The following FAT3 variants were observed in gnomAD, a reference collection of about 807,000 sequenced individuals.
FAT3 encodes the protein FAT atypical cadherin 3, also known as protocadherin Fat 3.
A neutral mutation model predicts 310.2 loss-of-function variants in FAT3; 95 were observed. That is an observed-to-expected ratio of 0.31 (90% CI 0.26 to 0.36). FAT3 has a LOEUF of 0.36. FAT3 is among the 10% of genes least tolerant of loss of function. FAT3 has a pLI of 1.00. For missense variants in FAT3, 5,408 were observed against 5,715.6 expected, an observed-to-expected ratio of 0.95 and a Z score of 1.74; for synonymous variants, 2,314 against 2,192.9, an observed-to-expected ratio of 1.06 and a Z score of -1.54.
chr11:92,332,179 C>T (rs1947939310), intron 1 of FAT3, among the ~76,000 whole-genome samples: 1 of 152,194 alleles, frequency 6.6e-6, no homozygotes, highest in Admixed American at 6.5e-5. Context: ...TGAGCTTCCT[C>T]CAGTTGAACT....
chr11:92,668,190 T>G (rs1943017682), intron 3 of FAT3, among the ~76,000 whole-genome samples: 1 of 152,198 alleles, frequency 6.6e-6, no homozygotes, highest in East Asian at 1.9e-4. Context: ...GCCAAATGAA[T>G]ACAAATGAAA....
At chr11:92,296,158 A>G (rs1187156) in intron 1 of FAT3, among the ~76,000 whole-genome samples, 106,245 of 151,968 alleles carry the variant, frequency 0.7, 37,360 homozygotes, top group African/African-American at 0.77. Context: ...GCTTCCCCCG[A>G]GGGTTAAAAA....
chr11:92,390,093 A>T (rs1047938371), intron 2 of FAT3, among the ~76,000 whole-genome samples: 2 of 152,090 alleles, frequency 1.3e-5, no homozygotes, highest in African/African-American at 2.4e-5. Context: ...AAAGTTTTTG[A>T]TCTTAAGAGC....
At chr11:92,312,012 C>T (rs1947316926) in intron 1 of FAT3, among the ~76,000 whole-genome samples, 2 of 152,114 alleles carry the variant, frequency 1.3e-5, no homozygotes, top group African/African-American at 2.4e-5. Flanking sequence ...ACAAATACTT[C>T]GCCTTCATAA....
At chr11:92,649,860 C>A (rs1037754688) in intron 3 of FAT3, among the ~76,000 whole-genome samples, 2 of 107,602 alleles carry the variant, frequency 1.9e-5, no homozygotes, top group Non-Finnish European at 1.9e-5. Context: ...TGTTAAACAC[C>A]CACTTTGTAT....
At chr11:92,486,560 T>A (rs931126732) in intron 2 of FAT3, among the ~76,000 whole-genome samples, 16 of 152,154 alleles carry the variant, frequency 1.1e-4, no homozygotes, top group Non-Finnish European at 1.9e-4. Flanking sequence ...AGTGCAATTT[T>A]AAAAAATCCC....
intron 2 of FAT3, among the ~76,000 whole-genome samples, chr11:92,365,446 C>G (rs1948994079): frequency 6.6e-6 from 1 of 152,208 alleles, no homozygotes; most frequent in Non-Finnish European, 1.5e-5. Context: ...AAGCCTGCCT[C>G]TCTTCCTTTC....
At chr11:92,320,463 A>G (rs1185808736) in intron 1 of FAT3, among the ~76,000 whole-genome samples, 1 of 152,178 alleles carries the variant, frequency 6.6e-6, no homozygotes, top group East Asian at 1.9e-4. Flanking sequence ...TAACAAGTTC[A>G]CTAGTTTGGG....
intron 2 of FAT3, among the ~76,000 whole-genome samples, chr11:92,366,270 C>T (rs527507783): frequency 5.3e-5 from 8 of 152,308 alleles, no homozygotes; most frequent in South Asian, 2.1e-4. Flanking sequence ...TCAGCTTGGA[C>T]TGAGAACCTG....
chr11:92,388,092 C>T (rs569916708), intron 2 of FAT3, among the ~76,000 whole-genome samples: 1 of 152,232 alleles, frequency 6.6e-6, no homozygotes, highest in African/African-American at 2.4e-5. Flanking sequence ...TAGATTAGCA[C>T]TGACTATCAT....
intron 1 of FAT3, among the ~76,000 whole-genome samples, chr11:92,323,583 T>C (rs1947684021): frequency 6.9e-6 from 1 of 144,898 alleles, no homozygotes; most frequent in Non-Finnish European, 1.5e-5. Flanking sequence ...ATCTTTTTTT[T>C]TCTTTTTTTT....
intron 1 of FAT3, among the ~76,000 whole-genome samples, chr11:92,333,715 T>G (rs780558116): frequency 6.6e-6 from 1 of 151,624 alleles, no homozygotes. Context: ...CTCATAAATA[T>G]ACATCTTACC....
At chr11:92,282,172 A>G (rs1378367821) in intron 1 of FAT3, among the ~76,000 whole-genome samples, 1 of 151,938 alleles carries the variant, frequency 6.6e-6, no homozygotes, top group Non-Finnish European at 1.5e-5. Flanking sequence ...TCCCAAAGAC[A>G]TTGTCCCTTC....
Position 92,799,581 on chromosome 11 carries a change from T to C in FAT3, c.6568T>C (p.Phe2190Leu). 6.2e-7 allele frequency: 1 copy of C among 1,613,776 alleles called. No homozygotes were observed. The highest frequency in any genetic ancestry group is 8.5e-7 in the Non-Finnish European group (1 of 1,179,830). Reference protein sequence around the residue: ...NKAMPVFDKPFYTASVNEDIR... With the variant: ...NKAMPVFDKPLYTASVNEDIR... ...AGCAATGCCTGTGTTTGATAAGCCC[T>C]TTTATACAGCATCTGTCAATGAAGA... Residue 2190 changes from phenylalanine to leucine, a missense_variant, in exon 10 of 28, where the codon TTT becomes CTT. Phe to Leu is a conservative substitution (Grantham distance 22). Around this residue, in one of 5 missense-constraint regions of FAT3, gnomAD observed 4,588 missense variants for 4,809.8 expected, o/e 0.95. Coordinates refer to ENST00000525166, the MANE Select transcript of FAT3 (RefSeq NM_001367949.2).
intron 1 of FAT3, among the ~76,000 whole-genome samples, chr11:92,281,517 A>G (rs542092266): frequency 6.6e-6 from 1 of 152,208 alleles, no homozygotes; most frequent in South Asian, 2.1e-4. Flanking sequence ...GCCTGTGCTT[A>G]ACTCCAGTTG....
At chr11:92,399,122 T>C (rs1003555829) in intron 2 of FAT3, among the ~76,000 whole-genome samples, 11 of 152,222 alleles carry the variant, frequency 7.2e-5, no homozygotes, top group Non-Finnish European at 1.5e-4. Context: ...TGTGGGATTA[T>C]TAGCAATTAC....
intron 7 of FAT3, among the ~76,000 whole-genome samples, chr11:92,774,945 A>C (rs941253621): frequency 6.6e-5 from 10 of 152,232 alleles, no homozygotes; most frequent in Non-Finnish European, 8.8e-5. Flanking sequence ...ATGTTAGATA[A>C]CAATATGGGG....
chr11:92,510,735 C>T (rs983098798), intron 2 of FAT3, among the ~76,000 whole-genome samples: 16 of 152,238 alleles, frequency 1.1e-4, no homozygotes, highest in African/African-American at 3.9e-4. Context: ...CAAATAAAAG[C>T]TTGAATTCAG....
At chr11:92,430,457 A>G (rs1950740103) in intron 2 of FAT3, among the ~76,000 whole-genome samples, 1 of 150,712 alleles carries the variant, frequency 6.6e-6, no homozygotes, top group Non-Finnish European at 1.5e-5. Context: ...TTTTTTCCTT[A>G]TCTTCATGGA....
Sources: allele counts gnomAD v4.1 joint callset (sites outside exome capture counted in the v4.1 genomes callset), GRCh38; gene constraint gnomAD v4.1.1; regional missense constraint gnomAD v4.1.1; transcripts MANE v1.5; gene names NCBI Gene and HGNC (gene_info 2026-07-23, HGNC 2026-07-21).